Variants in WNK2 observed in about 807,000 individuals in gnomAD.
The protein encoded by WNK2 is serine/threonine-protein kinase WNK2.
A neutral mutation model predicts 192.1 loss-of-function variants in WNK2; 67 were observed. The observed-to-expected ratio is 0.35, with a 90% CI of 0.29 to 0.43. The LOEUF (loss-of-function observed/expected upper bound fraction) is 0.43. Among genes scored for constraint, WNK2 ranks in the 20% least tolerant of loss-of-function variants. WNK2 has a pLI of 1.00. For missense variants in WNK2, 2,698 were observed against 3,089.7 expected (o/e 0.87, Z 3.01); for synonymous variants, 1,439 against 1,393.9 (o/e 1.03, Z -0.72).
chr9:93,284,185 C>G (rs1277375560), intron 19 of WNK2, among the ~76,000 whole-genome samples: 2 of 152,148 alleles, frequency 1.3e-5, no homozygotes, highest in East Asian at 3.9e-4. Context: ...GTCCAGAGAA[C>G]AAAGAAGCTT....
intron 2 of WNK2, among the ~76,000 whole-genome samples, chr9:93,188,160 C>A (rs1025603208): frequency 6.6e-6 from 1 of 152,152 alleles, no homozygotes; most frequent in African/African-American, 2.4e-5. Context: ...TGGCCTCTAT[C>A]CCTTTCTTCC....
At chr9:93,289,685 C>CG in intron 20 of WNK2, 65 bp downstream of exon 20, 1 of 1,399,092 alleles carries the variant, frequency 7.1e-7, no homozygotes, top group Non-Finnish European at 9.4e-7. Flanking sequence ...GGCGCAGGCC[C>CG]GGGGGTGGGC....
rs1851339853 is a variant in WNK2, at chr9:93,300,160, G to C, written c.6214+11G>C. The C allele has an allele frequency of 1.2e-6, 2 of 1,609,654 alleles. No individual in the cohort carries two copies. The highest frequency in any genetic ancestry group is 1.7e-6 in the Non-Finnish European group (2 of 1,177,214). On this transcript the variant is annotated intron_variant, in intron 26 of 29. Coordinates refer to ENST00000427277, the MANE Select transcript of WNK2 (RefSeq NM_006648.4). ...TATCTGTGTCCATCTGTCTGTATTT[G>C]TTCTTTTGTATTTTATCACCTCCTG...
At chr9:93,288,117 C>T (rs1196713142) in intron 19 of WNK2, among the ~76,000 whole-genome samples, 2 of 152,308 alleles carry the variant, frequency 1.3e-5, no homozygotes, top group African/African-American at 2.4e-5. Context: ...TGAGAAACAC[C>T]GTCCTGCCAC....
chr9:93,306,588 G>T, intron 26 of WNK2, 189 bp from the exon 27 acceptor site: 5 of 665,960 alleles, frequency 7.5e-6, no homozygotes, highest in Non-Finnish European at 1.3e-5. Flanking sequence ...GGCGAAGCTC[G>T]TGGGAGCCTG....
At chr9:93,212,492 G>A (rs1040476534) in intron 2 of WNK2, among the ~76,000 whole-genome samples, 1 of 152,216 alleles carries the variant, frequency 6.6e-6, no homozygotes, top group Non-Finnish European at 1.5e-5. Context: ...CCCTGGCTAT[G>A]TTGTTTCTGC....
rs561358736 is a variant in WNK2, at chr9:93,262,697, G to A, written c.3388G>A (p.Gly1130Ser). The A allele has an allele frequency of 1.1e-5, 17 of 1,612,428 alleles. No individual in the cohort carries two copies. Among genetic ancestry groups the A allele is most frequent in the East Asian group, 8.9e-5 (4 of 44,884 alleles). The change falls in exon 14 of 30, where the codon GGC (glycine) becomes AGC (serine). Residue 1130 changes from glycine to serine, a missense_variant. By Grantham distance (56) the Gly-to-Ser change is moderately conservative. Transcript: ENST00000427277. ...EEQASQDKPP[G>S]LPQSCESYGG... The stretch of plus-strand genomic sequence containing the variant: ...GCAGGCCTCACAGGACAAGCCGCCC[G>A]GCCTCCCGCAGAGCTGTGAGAGGTA...
rs374109602 is a variant in WNK2, at chr9:93,256,078, G to A, written c.2035-221G>A. On this transcript the variant is annotated intron_variant, in intron 9 of 29. Transcript: ENST00000427277. ...TTGTGTAATGTTCTGTGGGGCTGAT[G>A]TGCCCGGGCACCCCTGGGCTGGGGG... Among the ~76,000 whole-genome samples the A allele has an allele frequency of 1.1e-4, 16 of 152,212 alleles. No individual in the cohort carries two copies. The South Asian group carries it at 2.9e-3, about 28-fold the overall frequency.
chr9:93,219,450 G>A (rs1204923275), intron 2 of WNK2, among the ~76,000 whole-genome samples: 1 of 152,256 alleles, frequency 6.6e-6, no homozygotes, highest in Non-Finnish European at 1.5e-5. Context: ...GGATCCTAGG[G>A]AGGAAGCCCT....
At chr9:93,289,663 G>T in intron 20 of WNK2, 43 bp downstream of exon 20, 3 of 1,426,756 alleles carry the variant, frequency 2.1e-6, no homozygotes. Context: ...CTGGGTCAGG[G>T]GCCGGAGCCC....
At chr9:93,306,637 G>GGTCGGC in intron 26 of WNK2, 140 bp from the exon 27 acceptor site, 1 of 1,092,432 alleles carries the variant, frequency 9.2e-7, no homozygotes, top group Non-Finnish European at 1.4e-6. Context: ...CCCCCGGCCG[G>GGTCGGC]GTCGGCCCTC....
Position 93,252,999 on chromosome 9 carries a change from G to A in WNK2, c.1951G>A (p.Val651Met). 2 of 1,564,268 alleles carry A rather than the reference G, an allele frequency of 1.3e-6. No individual in the cohort carries two copies. The highest frequency in any genetic ancestry group is 1.2e-5 in the South Asian group (1 of 84,804). Residue 651 changes from valine (V) to methionine (M), a missense_variant, in exon 9 of 30, where the codon GTG (valine) becomes ATG (methionine). Val to Met is a conservative substitution (Grantham distance 21). Transcript: ENST00000427277. ...ADAAPSPAQC[V>M]CSPPVSEGPV... ...CGCAGCGCCGTCCCCGGCCCAGTGT[G>A]TGTGCAGCCCCCCTGTGAGCGAGGG...
intron 28 of WNK2, chr9:93,315,911 T>G (rs1281966735): frequency 1.3e-5 from 2 of 152,148 alleles, no homozygotes; most frequent in Non-Finnish European, 2.9e-5. Context: ...TTAATTTTTT[T>G]TTTCCTAAAA....
intron 2 of WNK2, among the ~76,000 whole-genome samples, chr9:93,201,859 C>A (rs1159811543): frequency 6.6e-6 from 1 of 152,240 alleles, no homozygotes; most frequent in Non-Finnish European, 1.5e-5. Flanking sequence ...ACGTTCCAGC[C>A]CTGCCGGCCG....
At chr9:93,192,392 G>A (rs1830489957) in intron 2 of WNK2, among the ~76,000 whole-genome samples, 1 of 152,178 alleles carries the variant, frequency 6.6e-6, no homozygotes, top group East Asian at 1.9e-4. Flanking sequence ...TGTGGCTGCT[G>A]TCCTCTGAGG....
chr9:93,243,095 G>A (rs1046728890), intron 7 of WNK2, among the ~76,000 whole-genome samples: 5 of 152,134 alleles, frequency 3.3e-5, no homozygotes, highest in Admixed American at 3.3e-4. Context: ...AGCCTGGGGA[G>A]GGCCCCAGGA....
intron 2 of WNK2, among the ~76,000 whole-genome samples, chr9:93,208,717 GCTC>G (rs1201136826): frequency 1.2e-3 from 1 of 810 alleles, no homozygotes; most frequent in South Asian, 0.026. Flanking sequence ...TTCTGTGTAT[GCTC>G]TTCGTGCGTG....
intron 2 of WNK2, among the ~76,000 whole-genome samples, chr9:93,211,493 CTCAT>C (rs1834709884): frequency 1.3e-5 from 2 of 151,082 alleles, no homozygotes; most frequent in African/African-American, 2.4e-5. Context: ...CACTCATCCA[CTCAT>C]TCATTCACTC....
chr9:93,213,184 C>T (rs1835098707), intron 2 of WNK2, among the ~76,000 whole-genome samples: 1 of 152,154 alleles, frequency 6.6e-6, no homozygotes, highest in Non-Finnish European at 1.5e-5. Flanking sequence ...GGTTGTGCTT[C>T]TGCAATGGGC....
Sources: allele counts gnomAD v4.1 joint callset (sites outside exome capture counted in the v4.1 genomes callset), GRCh38; gene constraint gnomAD v4.1.1; transcripts MANE v1.5; gene names NCBI Gene and HGNC (gene_info 2026-07-23, HGNC 2026-07-21).